Variants in RGS21 observed in about 807,000 individuals in gnomAD.
RGS21 encodes regulator of G-protein signalling 21.
Under a neutral mutation model 18.7 loss-of-function variants are expected in RGS21, and 19 were observed. The observed-to-expected ratio is 1.01, with a 90% CI of 0.71 to 1.49. RGS21 has a LOEUF of 1.49. RGS21 is among the 40% of genes most tolerant of loss of function. RGS21 has a pLI of 0.00. For missense variants in RGS21, 194 were observed against 176.8 expected (o/e 1.10, Z -0.55); for synonymous variants, 56 against 57.8 (o/e 0.97, Z 0.14).
At chr1:192,319,229 G>A (rs1658462361) in intron 1 of RGS21, among the ~76,000 whole-genome samples, 1 of 152,112 alleles carries the variant, frequency 6.6e-6, no homozygotes, top group Admixed American at 6.6e-5. Flanking sequence ...CAGACTGGGT[G>A]AGAGAACAGA....
At chr1:192,365,210 T>A (rs1434124683) in intron 4 of RGS21, among the ~76,000 whole-genome samples, 1 of 152,170 alleles carries the variant, frequency 6.6e-6, no homozygotes, top group Non-Finnish European at 1.5e-5. Flanking sequence ...TATAAACTTT[T>A]CTGCTTCTCA....
rs553341035 is a variant in RGS21 at position 192,329,856 on chromosome 1, G to GT, written c.-61+12752dup. Among the ~76,000 whole-genome samples, 20 of 152,192 alleles carry GT rather than the reference G, an allele frequency of 1.3e-4. 1 individual carries two copies. The highest frequency in any genetic ancestry group is 4.8e-4 in the African/African-American group (20 of 41,554). On this transcript the variant is annotated intron_variant, in intron 1 of 4. Coordinates refer to ENST00000417209, the MANE Select transcript of RGS21 (RefSeq NM_001039152.3). ...TTTTCCATATTATAAGTAGGATTAG[G>GT]TATATGAGCTTATTGATTTAAACAG...
At position 192,347,369 on chromosome 1, in the gene RGS21, A is replaced by G; in HGVS notation, c.68A>G (p.Asp23Gly). The G allele has an allele frequency of 6.2e-7, 1 of 1,600,462 alleles. No individual in the cohort carries two copies. Among genetic ancestry groups the G allele is most frequent in the Non-Finnish European group, 8.6e-7 (1 of 1,168,628 alleles). Residue 23 changes from aspartate to glycine, a missense_variant, in exon 3 of 5, where the codon GAC becomes GGC. Physicochemically the swap from Asp to Gly is moderately conservative, Grantham distance 94. Coordinates refer to ENST00000417209, the MANE Select transcript of RGS21 (RefSeq NM_001039152.3). ...ACAATGACATGGTCTGAAAATATGG[A>G]CACGCTTTTAGCCAACCAAGGTAAG... ...AETMTWSENM[D>G]TLLANQAGLD...
At chr1:192,320,526 A>ATGTATGTGTATG (rs57903620) in intron 1 of RGS21, among the ~76,000 whole-genome samples, 3,582 of 147,546 alleles carry the variant, frequency 0.024, 76 homozygotes, top group African/African-American at 0.05. Context: ...GTATGTGTAT[A>ATGTATGTGTATG]TGTATGTGTA....
chr1:192,356,266 G>A (rs901569440), intron 4 of RGS21, among the ~76,000 whole-genome samples: 8 of 151,682 alleles, frequency 5.3e-5, no homozygotes, highest in Non-Finnish European at 7.4e-5. Context: ...TTTATTCTGT[G>A]CCTAGTCACA....
chr1:192,317,740 T>A (rs572936441), intron 1 of RGS21, among the ~76,000 whole-genome samples: 1 of 152,058 alleles, frequency 6.6e-6, no homozygotes, highest in Non-Finnish European at 1.5e-5. Context: ...TTTAAAGATA[T>A]ATTTCAGTTA....
At chr1:192,346,088 T>G (rs1441081811) in intron 2 of RGS21, among the ~76,000 whole-genome samples, 1 of 152,078 alleles carries the variant, frequency 6.6e-6, no homozygotes, top group Non-Finnish European at 1.5e-5. Context: ...GAAAGTCAGC[T>G]GCCTACAACA....
chr1:192,349,137 CT>C (rs1209828845), intron 3 of RGS21, among the ~76,000 whole-genome samples: 1 of 152,048 alleles, frequency 6.6e-6, no homozygotes, highest in Non-Finnish European at 1.5e-5. Context: ...AAAAGGCTTA[CT>C]GAATTATCTC....
intron 1 of RGS21, among the ~76,000 whole-genome samples, chr1:192,327,868 C>A (rs1244111354): frequency 6.6e-6 from 1 of 152,070 alleles, no homozygotes; most frequent in Non-Finnish European, 1.5e-5. Flanking sequence ...CCTGTTATAT[C>A]CCCTGTTATA....
At chr1:192,328,339 C>T (rs759989932) in intron 1 of RGS21, among the ~76,000 whole-genome samples, 7 of 152,138 alleles carry the variant, frequency 4.6e-5, no homozygotes, top group Non-Finnish European at 7.4e-5. Flanking sequence ...AAATTAAACA[C>T]AGATGGTTAC....
chr1:192,349,353 G>A (rs1030003004), intron 3 of RGS21, among the ~76,000 whole-genome samples: 1 of 152,142 alleles, frequency 6.6e-6, no homozygotes, highest in Non-Finnish European at 1.5e-5. Flanking sequence ...CAGAGAAATG[G>A]CAATAGTATG....
chr1:192,365,534 T>G (rs879303029), intron 4 of RGS21, among the ~76,000 whole-genome samples: 8 of 152,208 alleles, frequency 5.3e-5, no homozygotes, highest in Middle Eastern at 3.4e-3. Context: ...AGTTGGTATA[T>G]TCAAACCTAA....
rs746901587 is a variant in RGS21, at chr1:192,366,074, G to C, written c.409G>C (p.Val137Leu). The change falls in exon 5 of 5, where the codon GTA becomes CTA. Residue 137 changes from valine (V) to leucine (L), a missense_variant. By Grantham distance (32) the Val-to-Leu change is conservative. Coordinates refer to ENST00000417209, the MANE Select transcript of RGS21 (RefSeq NM_001039152.3). ...FLKSEIYKKL[V>L]NSQQVPNHKK... ...GAAGTCAGAGATTTATAAAAAACTG[G>C]TAAATAGCCAACAGGTTCCAAATCA... is the stretch of plus-strand genomic sequence containing the variant. 1.2e-6 allele frequency: 2 copies of C among 1,611,864 alleles called. No homozygotes were observed. Among genetic ancestry groups the C allele is most frequent in the South Asian group, 1.1e-5 (1 of 90,774 alleles).
chr1:192,357,069 G>T (rs1429631272), intron 4 of RGS21, among the ~76,000 whole-genome samples: 1 of 151,830 alleles, frequency 6.6e-6, no homozygotes, highest in Non-Finnish European at 1.5e-5. Flanking sequence ...TTCCATGAGT[G>T]TCCTAACAAG....
chr1:192,350,629 G>A (rs986577820), intron 3 of RGS21, among the ~76,000 whole-genome samples: 1 of 152,186 alleles, frequency 6.6e-6, no homozygotes, highest in Admixed American at 6.6e-5. Flanking sequence ...TGGAAAAAGT[G>A]CTGGCATGTT....
chr1:192,358,677 T>G (rs1263892117), intron 4 of RGS21, among the ~76,000 whole-genome samples: 1 of 152,100 alleles, frequency 6.6e-6, no homozygotes, highest in East Asian at 1.9e-4. Context: ...AATTTGAATG[T>G]GAGAGCACAG....
At chr1:192,329,530 A>G (rs1658616119) in intron 1 of RGS21, among the ~76,000 whole-genome samples, 2 of 152,172 alleles carry the variant, frequency 1.3e-5, no homozygotes, top group African/African-American at 2.4e-5. Context: ...TGTGACTTAC[A>G]TAAGAAAAAT....
intron 2 of RGS21, among the ~76,000 whole-genome samples, chr1:192,344,387 G>A (rs899930414): frequency 2.0e-5 from 3 of 152,000 alleles, no homozygotes; most frequent in African/African-American, 7.2e-5. Flanking sequence ...GGCCATTACT[G>A]TCTGTGGAAT....
intron 4 of RGS21, among the ~76,000 whole-genome samples, chr1:192,357,452 G>A (rs1019605584): frequency 6.6e-6 from 1 of 151,844 alleles, no homozygotes; most frequent in African/African-American, 2.4e-5. Flanking sequence ...AAGAGAAAAG[G>A]AGAGCTAAAG....
Sources: allele counts gnomAD v4.1 joint callset (sites outside exome capture counted in the v4.1 genomes callset), GRCh38; gene constraint gnomAD v4.1.1; transcripts MANE v1.5; gene names NCBI Gene and HGNC (gene_info 2026-07-23, HGNC 2026-07-21).